The following MBTPS1 variants were observed in gnomAD, a reference collection of about 807,000 sequenced individuals.
MBTPS1 encodes membrane bound transcription factor peptidase, site 1.
A neutral mutation model predicts 127.8 loss-of-function variants in MBTPS1; 94 were observed. The ratio of observed to expected loss-of-function variants is 0.74; its 90% CI spans 0.62 to 0.87. MBTPS1 has a LOEUF of 0.87. MBTPS1 is among the 40% of genes least tolerant of loss of function. The probability of loss-of-function intolerance (pLI) is 0.00; values close to 1 mark genes in which losing one functional copy is unlikely to be tolerated. For synonymous variants in MBTPS1, 632 were observed against 509.4 expected, an observed-to-expected ratio of 1.24 and a Z score of -3.24; for missense variants, 1,636 against 1,353.2, an observed-to-expected ratio of 1.21 and a Z score of -3.28.
intron 2 of MBTPS1, 131 bp downstream of exon 2, chr16:84,101,490 C>CAA (rs1339578360): frequency 1.7e-3 from 1,050 of 605,358 alleles, no homozygotes; most frequent in Middle Eastern, 3.1e-3. Flanking sequence ...GACTCTGTCT[C>CAA]AAAAAAAAAA....
Position 84,081,970 on chromosome 16 carries a change from A to G in MBTPS1, c.1287-62T>C, listed in dbSNP as rs2085949028. On this transcript the variant is annotated intron_variant, in intron 10 of 22. Transcript: ENST00000343411. ...GTAAAAGAATGGAAATTGGACCACT[A>G]AAACCTAACCTACAAACGTGCACAC... The G allele has an allele frequency of 5.5e-6, 7 of 1,261,934 alleles. No individual in the cohort carries two copies. In the East Asian group the frequency reaches 2.0e-4, roughly 36 times the overall value. 78.2% of individuals were successfully genotyped at this position (1,261,934 alleles called of 1,614,324 possible). A position where few individuals can be genotyped will look rare whatever the true frequency, so the allele number is the denominator to read the frequency against.
chr16:84,070,091 T>G, intron 13 of MBTPS1, 53 bp from the exon 14 acceptor site: 1 of 1,458,896 alleles, frequency 6.9e-7, no homozygotes. Flanking sequence ...GAAAGAAACT[T>G]TCAGGTTTGA....
At chr16:84,060,523 G>C (rs111664615) in intron 20 of MBTPS1, 159 bp downstream of exon 20, 42 of 753,226 alleles carry the variant, frequency 5.6e-5, no homozygotes, top group African/African-American at 5.4e-4. Context: ...CGGCAGGTTA[G>C]AGCCGCTGAG....
intron 12 of MBTPS1, among the ~76,000 whole-genome samples, chr16:84,073,261 G>A (rs892099154): frequency 6.6e-6 from 1 of 152,154 alleles, no homozygotes; most frequent in East Asian, 1.9e-4. Flanking sequence ...AGCCTCCCGA[G>A]TAGCTGGGAT....
chr16:84,068,240 G>T, intron 15 of MBTPS1, 99 bp downstream of exon 15: 2 of 850,090 alleles, frequency 2.4e-6, no homozygotes, highest in Non-Finnish European at 4.0e-6. Context: ...ATACTCCCTT[G>T]GTAGCTATCA....
intron 8 of MBTPS1, among the ~76,000 whole-genome samples, chr16:84,089,898 C>T (rs558401568): frequency 3.1e-4 from 47 of 152,310 alleles, no homozygotes; most frequent in African/African-American, 1.1e-3. Flanking sequence ...GAACACCTGA[C>T]GAGATGACTT....
rs1008176993 is a variant in MBTPS1, at chr16:84,089,135, G to C, written c.1032-1675C>G. The stretch of plus-strand genomic sequence containing the variant: ...CCAGGAGGATGGGCAGAGGGATGGG[G>C]TGCGGAAGACCTGAGAGAAACAGAA... On this transcript the variant is annotated intron_variant, in intron 8 of 22. Transcript: ENST00000343411. Among the ~76,000 whole-genome samples the C allele has an allele frequency of 6.6e-5, 10 of 152,386 alleles. No homozygotes were observed. In the East Asian group the frequency reaches 1.2e-3, roughly 18 times the overall value.
At chr16:84,073,461 G>A (rs539814289) in intron 12 of MBTPS1, among the ~76,000 whole-genome samples, 4 of 152,100 alleles carry the variant, frequency 2.6e-5, no homozygotes, top group African/African-American at 9.6e-5. Flanking sequence ...ATGATATAAT[G>A]AGAACCACCA....
chr16:84,071,698 T>C lies in MBTPS1; in HGVS notation c.1594-922A>G, dbSNP rs369610782. Reference sequence around the variant, plus strand: ...AATGATGTTTCCATCTGCAAAACAATAAAAGTCACAAAACATAAAAATTCA... The same window carrying C: ...AATGATGTTTCCATCTGCAAAACAACAAAAGTCACAAAACATAAAAATTCA... On this transcript the variant is annotated intron_variant, in intron 12 of 22. Transcript: ENST00000343411. 1.1e-4 allele frequency: 16 copies of C among 151,620 alleles called. No homozygotes were observed. In the East Asian group the frequency reaches 2.7e-3, roughly 26 times the overall value. 9.4% of individuals were successfully genotyped at this position (151,620 alleles called of 1,614,324 possible).
rs958375655 is a variant in MBTPS1 at position 84,068,441 on chromosome 16, T to C, written c.1969A>G (p.Ile657Val). 2 of 1,608,896 alleles carry C rather than the reference T, an allele frequency of 1.2e-6. No individual in the cohort carries two copies. Among genetic ancestry groups the C allele is most frequent in the African/African-American group, 1.3e-5 (1 of 74,966 alleles). Residue 657 changes from isoleucine (I) to valine (V), a missense_variant, in exon 15 of 23, where the codon ATC becomes GTC. Transcript: ENST00000343411. ...NDPLDWNGDH[I>V]HTNFRDMYQH... The stretch of plus-strand genomic sequence containing the variant: ...TACATATCCCTGAAATTGGTGTGGA[T>C]GTGATCACCATTCCTGAAAAACAAT...
At chr16:84,108,935 C>T (rs1374617408) in intron 1 of MBTPS1, among the ~76,000 whole-genome samples, 2 of 152,114 alleles carry the variant, frequency 1.3e-5, no homozygotes, top group African/African-American at 2.4e-5. Flanking sequence ...ATGATAAATG[C>T]TGGTCTGAAT....
chr16:84,057,133 T>C (rs2085534000), intron 21 of MBTPS1: 1 of 152,180 alleles, frequency 6.6e-6, no homozygotes, highest in Admixed American at 6.5e-5. Context: ...GAGTAGAGGT[T>C]CCCTAGGCAG....
In MBTPS1 at chr16:84,056,015, G is replaced by T. The variant is rs950162590; in HGVS notation, c.2952C>A (p.Asp984Glu). The change falls in exon 22 of 23, where the codon GAC becomes GAA. Residue 984 changes from aspartate to glutamate, a missense_variant. Asp to Glu is a conservative substitution (Grantham distance 45). Coordinates refer to ENST00000343411, the MANE Select transcript of MBTPS1 (RefSeq NM_003791.4). The stretch of plus-strand genomic sequence containing the variant: ...CAGCCGAGAACTCACCTCCAGGAAT[G>T]TCCCAGGCGCCGCTCTCTCCAGGGG... ...PLSPGESGAW[D>E]IPGGIMPGRY... The T allele has an allele frequency of 6.2e-7, 1 of 1,612,464 alleles. No individual in the cohort carries two copies. The highest frequency in any genetic ancestry group is 1.3e-5 in the African/African-American group (1 of 75,000).
chr16:84,098,926 A>G, intron 3 of MBTPS1, 127 bp downstream of exon 3: 1 of 972,988 alleles, frequency 1.0e-6, no homozygotes, highest in Non-Finnish European at 1.5e-6. Flanking sequence ...TACCAGGAAA[A>G]TGTTCACAAT....
chr16:84,082,067 A>G, intron 10 of MBTPS1, 159 bp from the exon 11 acceptor site: 7 of 449,192 alleles, frequency 1.6e-5, no homozygotes, highest in Non-Finnish European at 2.2e-5. Context: ...GAATGAGTGC[A>G]CACTCATCTC....
chr16:84,060,773 C>T lies in MBTPS1; in HGVS notation c.2613G>A (p.Ser871=), dbSNP rs770241979. The change falls in exon 20 of 23, where the codon TCG becomes TCA. Residue 871 remains serine (S), a synonymous_variant. Transcript: ENST00000343411. ...WLLDALLQYT[S]YGVTPPSLSH... ...TGAGGCTAGGCGGTGTCACCCCATA[C>T]GATGTGTACTGGAGGAGGGCATCCA... 39 of 1,604,312 alleles carry T rather than the reference C, an allele frequency of 2.4e-5. 1 individual carries two copies. Among genetic ancestry groups the T allele is most frequent in the Middle Eastern group, 1.7e-4 (1 of 6,046 alleles).
intron 4 of MBTPS1, among the ~76,000 whole-genome samples, chr16:84,094,154 C>A (rs2086148703): frequency 6.6e-6 from 1 of 152,112 alleles, no homozygotes. Flanking sequence ...AGGCTCCAGG[C>A]TGGCACCTAC....
intron 16 of MBTPS1, 106 bp downstream of exon 16, chr16:84,067,561 C>A: frequency 1.1e-6 from 1 of 919,136 alleles, no homozygotes; most frequent in Non-Finnish European, 1.7e-6. Flanking sequence ...TGTGTCTGTG[C>A]CAACTGGAAA....
At chr16:84,080,577 C>T (rs776321135) in intron 11 of MBTPS1, among the ~76,000 whole-genome samples, 3 of 152,252 alleles carry the variant, frequency 2.0e-5, no homozygotes, top group African/African-American at 7.2e-5. Context: ...GGTCCTCACA[C>T]GTCTGTGCCA....
Sources: gnomAD v4.1 joint callset for allele counts (sites outside exome capture counted in the v4.1 genomes callset) on GRCh38, gnomAD v4.1.1 for gene constraint, MANE v1.5 for transcripts, NCBI Gene and HGNC (gene_info 2026-07-23, HGNC 2026-07-21) for gene names.